Variants in CFAP418 observed in about 807,000 individuals in gnomAD.
CFAP418 encodes the protein cilia- and flagella-associated protein 418.
Under a neutral mutation model 24.7 loss-of-function variants are expected in CFAP418, and 27 were observed. That is an observed-to-expected ratio of 1.09 (90% CI 0.81 to 1.51). CFAP418 has a LOEUF of 1.51. Among genes scored for constraint, CFAP418 ranks in the 40% most tolerant of loss-of-function variants. The pLI is 0.00. For synonymous variants in CFAP418, 74 were observed against 87.3 expected (o/e 0.85, Z 0.85); for missense variants, 257 against 255.2 (o/e 1.01, Z -0.05).
chr8:95,249,782 T>C (rs1216195104), intron 5 of CFAP418, among the ~76,000 whole-genome samples: 1 of 152,246 alleles, frequency 6.6e-6, no homozygotes, highest in African/African-American at 2.4e-5. Context: ...CTTTGGTCAC[T>C]GTCCACTTCT....
At chr8:95,251,903 C>T (rs1198902279) in intron 5 of CFAP418, among the ~76,000 whole-genome samples, 1 of 152,110 alleles carries the variant, frequency 6.6e-6, no homozygotes, top group Non-Finnish European at 1.5e-5. Context: ...CTGTTTATAC[C>T]AGCATCACCA....
intron 1 of CFAP418, among the ~76,000 whole-genome samples, chr8:95,267,835 G>A (rs1028229684): frequency 6.6e-5 from 10 of 151,436 alleles, no homozygotes; most frequent in Non-Finnish European, 1.5e-4. Context: ...AAAGATTCTA[G>A]CAAGAGTTAC....
chr8:95,263,042 T>C (rs1424820304), intron 2 of CFAP418, among the ~76,000 whole-genome samples: 1 of 152,148 alleles, frequency 6.6e-6, no homozygotes, highest in South Asian at 2.1e-4. Flanking sequence ...ATGGAAAGGA[T>C]AAATGGTTAT....
rs1401798365 is a variant in CFAP418, at chr8:95,251,528, T to C, written c.470+660A>G. 4.6e-5 allele frequency among the ~76,000 whole-genome samples: 7 copies of C among 152,250 alleles called. No homozygotes were observed. The East Asian group carries it at 1.3e-3, about 29-fold the overall frequency. On this transcript the variant is annotated intron_variant, in intron 5 of 5. Coordinates refer to ENST00000286688, the MANE Select transcript of CFAP418 (RefSeq NM_177965.4). ...AATGCCATGCTAAGGAATTTGGACA[T>C]TATTCTGTAAGTGGAAGGGTGTTGA... is the stretch of plus-strand genomic sequence containing the variant.
intron 1 of CFAP418, 138 bp from the exon 2 acceptor site, chr8:95,263,912 T>C (rs996894867): frequency 1.7e-6 from 1 of 573,858 alleles, no homozygotes. Flanking sequence ...TTTTTCACTG[T>C]GGATATAGTC....
intron 4 of CFAP418, among the ~76,000 whole-genome samples, chr8:95,253,799 A>C (rs1461654293): frequency 6.6e-6 from 1 of 151,536 alleles, no homozygotes; most frequent in Non-Finnish European, 1.5e-5. Context: ...TAGTTCCCAA[A>C]GCTACTATGA....
Position 95,263,739 on chromosome 8 carries a change from T to A in CFAP418, c.191A>T (p.Asp64Val). 6.2e-7 allele frequency: 1 copy of A among 1,609,360 alleles called. No homozygotes were observed. The highest frequency in any genetic ancestry group is 8.5e-7 in the Non-Finnish European group (1 of 1,176,492). The change falls in exon 2 of 6, where the codon GAC (aspartate) becomes GTC (valine). Residue 64 changes from aspartate (D) to valine (V), a missense_variant. Asp to Val is a radical substitution (Grantham distance 152, BLOSUM62 -3). Transcript: ENST00000286688. ...TTCAAGTATTTCATTAATAAGACTG[T>A]CAAGATCATCTTCTTTTTTAAATGT... ...TETFKKEDDL[D>V]SLINEILEEP...
At chr8:95,268,880 T>A in intron 1 of CFAP418, 155 bp downstream of exon 1, 1 of 777,810 alleles carries the variant, frequency 1.3e-6, no homozygotes, top group Non-Finnish European at 2.1e-6. Context: ...ACGAATGCGC[T>A]GCCGCGGAGG....
chr8:95,264,706 ATG>A (rs1811946477), intron 1 of CFAP418, among the ~76,000 whole-genome samples: 1 of 152,192 alleles, frequency 6.6e-6, no homozygotes, highest in African/African-American at 2.4e-5. Context: ...AATTTCAGAA[ATG>A]TATTTACTCT....
Position 95,269,116 on chromosome 8 carries a change from C to A in CFAP418, c.74G>T (p.Gly25Val), listed in dbSNP as rs771447966. ...GCAGCCTTTGGGCTGCTCGACCATA[C>A]CCCGTCTTAGAAGGTCAGGTGTGCA... The part of the protein sequence containing the change: ...KFCTPDLLRR[G>V]MVEQPKGCGG... Residue 25 changes from glycine to valine, a missense_variant, in exon 1 of 6, where the codon GGT becomes GTT. Physicochemically the swap from Gly to Val is moderately radical, Grantham distance 109 (BLOSUM62 -3). Coordinates refer to ENST00000286688, the MANE Select transcript of CFAP418 (RefSeq NM_177965.4). The A allele has an allele frequency of 2.5e-6, 4 of 1,614,084 alleles. No homozygotes were observed. Among genetic ancestry groups the A allele is most frequent in the Non-Finnish European group, 3.4e-6 (4 of 1,180,028 alleles).
intron 4 of CFAP418, among the ~76,000 whole-genome samples, chr8:95,258,058 G>A (rs192123179): frequency 6.6e-6 from 1 of 152,128 alleles, no homozygotes; most frequent in Non-Finnish European, 1.5e-5. Flanking sequence ...TGTGAGTGTT[G>A]TGTCTTCATT....
At chr8:95,267,736 C>T (rs28584441) in intron 1 of CFAP418, among the ~76,000 whole-genome samples, 4,656 of 152,280 alleles carry the variant, frequency 0.031, 108 homozygotes, top group Middle Eastern at 0.078. Flanking sequence ...AAAAAATTAA[C>T]GGAGATGACG....
chr8:95,258,311 G>A lies in CFAP418; in HGVS notation c.374+1529C>T, dbSNP rs572567132. 3.2e-3 allele frequency among the ~76,000 whole-genome samples: 489 copies of A among 150,558 alleles called. 7 individuals are homozygous for A. The highest frequency in any genetic ancestry group is 0.011 in the African/African-American group (465 of 40,986). ...GCAGGAGAATGGCGTGAACCTGGGA[G>A]GCGGAGCTTGCAGAGAGCCGAGACT... On this transcript the variant is annotated intron_variant, in intron 4 of 5. Transcript: ENST00000286688.
chr8:95,252,770 T>C (rs1284015078), intron 4 of CFAP418, among the ~76,000 whole-genome samples: 1 of 152,228 alleles, frequency 6.6e-6, no homozygotes, highest in East Asian at 1.9e-4. Flanking sequence ...CAACTTGGCA[T>C]AATGCATTCA....
intron 5 of CFAP418, among the ~76,000 whole-genome samples, chr8:95,251,403 G>A (rs1192384560): frequency 1.3e-5 from 2 of 152,242 alleles, no homozygotes. Flanking sequence ...GGAGCCTTGA[G>A]TACTCTGATG....
At chr8:95,267,042 G>A (rs184770155) in intron 1 of CFAP418, among the ~76,000 whole-genome samples, 85 of 152,238 alleles carry the variant, frequency 5.6e-4, no homozygotes, top group Non-Finnish European at 9.4e-4. Context: ...TAAAGAAATT[G>A]CAAAGCAACA....
chr8:95,256,578 A>G (rs928061813), intron 4 of CFAP418, among the ~76,000 whole-genome samples: 1 of 152,256 alleles, frequency 6.6e-6, no homozygotes, highest in Non-Finnish European at 1.5e-5. Flanking sequence ...GAACTCAGGC[A>G]TTCTGTCATC....
At chr8:95,258,447 T>A (rs1206492567) in intron 4 of CFAP418, among the ~76,000 whole-genome samples, 3 of 144,752 alleles carry the variant, frequency 2.1e-5, no homozygotes, top group African/African-American at 5.1e-5. Context: ...AGAATAAGGA[T>A]ACAAAGAAAG....
Position 95,247,680 on chromosome 8 carries a change from A to T in CFAP418, c.561T>A (p.Thr187=). 6.2e-7 allele frequency: 1 copy of T among 1,614,178 alleles called. No homozygotes were observed. The highest frequency in any genetic ancestry group is 1.1e-5 in the South Asian group (1 of 91,082). The change falls in exon 6 of 6, where the codon ACT becomes ACA. Residue 187 remains threonine (T), a synonymous_variant. Transcript: ENST00000286688. ...RAYACQCSWR[T]IEEVTDLQTD... ...TCTGAAGGTCAGTCACTTCTTCAAT[A>T]GTTCTCCAGCTACACTGGCAGGCAT... is the stretch of plus-strand genomic sequence containing the variant.
Sources: gnomAD v4.1 joint callset for allele counts (sites outside exome capture counted in the v4.1 genomes callset) on GRCh38, gnomAD v4.1.1 for gene constraint, MANE v1.5 for transcripts, NCBI Gene and HGNC (gene_info 2026-07-23, HGNC 2026-07-21) for gene names.